SAMSN1: variants seen among roughly 807,000 people sequenced by gnomAD.
The protein encoded by SAMSN1 is SAM domain-containing protein SAMSN-1.
SAMSN1 carries 31 observed loss-of-function variants against 42.0 expected under a neutral mutation model. The observed-to-expected ratio is 0.74, with a 90% CI of 0.55 to 1.00. SAMSN1 has a LOEUF of 1.00. Among genes scored for constraint, SAMSN1 ranks in the 50% least tolerant of loss-of-function variants. The pLI, the probability that SAMSN1 is intolerant of heterozygous loss-of-function variation, is 0.00. For missense variants in SAMSN1, 464 were observed against 439.4 expected, an observed-to-expected ratio of 1.06 and a Z score of -0.50; for synonymous variants, 178 against 151.9, an observed-to-expected ratio of 1.17 and a Z score of -1.26.
At chr21:14,616,927 C>A (rs936235974) in intron 2 of SAMSN1, among the ~76,000 whole-genome samples, 10 of 152,138 alleles carry the variant, frequency 6.6e-5, no homozygotes, top group African/African-American at 2.2e-4. Flanking sequence ...TCCAGGATAA[C>A]CTTTCCCCAA....
At chr21:14,591,684 G>T (rs1433304142) in intron 7 of SAMSN1, among the ~76,000 whole-genome samples, 1 of 152,130 alleles carries the variant, frequency 6.6e-6, no homozygotes, top group Non-Finnish European at 1.5e-5. Flanking sequence ...TTGGCTAGAG[G>T]ATTAGCAGGT....
chr21:14,649,631 G>A (rs1395901467), intron 1 of SAMSN1, among the ~76,000 whole-genome samples: 1 of 151,944 alleles, frequency 6.6e-6, no homozygotes, highest in Non-Finnish European at 1.5e-5. Flanking sequence ...TTAGCCAGGT[G>A]TGATGGCACA....
At chr21:14,532,029 C>CT (rs1484724207) in intron 1 of SAMSN1, among the ~76,000 whole-genome samples, 1 of 151,978 alleles carries the variant, frequency 6.6e-6, no homozygotes, top group Non-Finnish European at 1.5e-5. Context: ...ATGAGTGTGT[C>CT]TGATGCATGA....
At chr21:14,577,272 ATATATATATATATTTTTT>A (rs1981528484) in intron 2 of SAMSN1, among the ~76,000 whole-genome samples, 1 of 49,602 alleles carries the variant, frequency 2.0e-5, no homozygotes, top group African/African-American at 1.2e-4. Context: ...ATATATATAT[ATATATATATATATTTTTT>A]TTTTAGAAGA....
intron 1 of SAMSN1, among the ~76,000 whole-genome samples, chr21:14,650,563 A>G (rs1221398615): frequency 6.6e-6 from 1 of 152,096 alleles, no homozygotes; most frequent in Non-Finnish European, 1.5e-5. Context: ...ATAGCAATAA[A>G]TGACTACATC....
At chr21:14,581,833 T>A (rs978035387) in intron 2 of SAMSN1, among the ~76,000 whole-genome samples, 1 of 152,178 alleles carries the variant, frequency 6.6e-6, no homozygotes, top group African/African-American at 2.4e-5. Context: ...ATAATTGCAA[T>A]AATTTAGACA....
At chr21:14,657,043 C>T (rs1983927979) in intron 1 of SAMSN1, among the ~76,000 whole-genome samples, 1 of 151,572 alleles carries the variant, frequency 6.6e-6, no homozygotes, top group Non-Finnish European at 1.5e-5. Flanking sequence ...TGCATAAGTT[C>T]CTGGCAAAAG....
At chr21:14,617,782 A>T (rs973353594) in intron 2 of SAMSN1, among the ~76,000 whole-genome samples, 2 of 152,234 alleles carry the variant, frequency 1.3e-5, no homozygotes, top group African/African-American at 4.8e-5. Flanking sequence ...TTATATCAGG[A>T]TTCCTCTGCC....
chr21:14,649,383 C>T (rs547891887), intron 1 of SAMSN1, among the ~76,000 whole-genome samples: 131 of 151,852 alleles, frequency 8.6e-4, no homozygotes, highest in Admixed American at 2.4e-3. Flanking sequence ...TGTAACTAAC[C>T]TGCACATTGT....
chr21:14,506,780 T>C (rs1328665116), intron 5 of SAMSN1, among the ~76,000 whole-genome samples: 1 of 152,188 alleles, frequency 6.6e-6, no homozygotes, highest in African/African-American at 2.4e-5. Context: ...TGAACATAGA[T>C]GCTAAAATTC....
chr21:14,525,702 T>C (rs1043155113), intron 1 of SAMSN1, among the ~76,000 whole-genome samples: 1 of 152,210 alleles, frequency 6.6e-6, no homozygotes, highest in Non-Finnish European at 1.5e-5. Context: ...TGGCCATTCT[T>C]GAATCATTAG....
At chr21:14,515,920 C>T (rs1285977760) in intron 3 of SAMSN1, among the ~76,000 whole-genome samples, 2 of 152,114 alleles carry the variant, frequency 1.3e-5, no homozygotes, top group African/African-American at 4.8e-5. Context: ...ATCAGGGAAA[C>T]GTAAAGTACA....
intron 5 of SAMSN1, among the ~76,000 whole-genome samples, chr21:14,502,002 C>A (rs1987180307): frequency 1.3e-5 from 2 of 152,102 alleles, no homozygotes; most frequent in South Asian, 2.1e-4. Flanking sequence ...AGTTATAGTT[C>A]CTCCTTTGAG....
At chr21:14,606,086 C>T (rs992273182) in intron 5 of SAMSN1, among the ~76,000 whole-genome samples, 7 of 152,024 alleles carry the variant, frequency 4.6e-5, no homozygotes, top group African/African-American at 7.2e-5. Flanking sequence ...ATGATCCGCC[C>T]GCCTCGGCTG....
intron 7 of SAMSN1, among the ~76,000 whole-genome samples, chr21:14,490,837 C>A (rs923724073): frequency 6.6e-6 from 1 of 151,910 alleles, no homozygotes; most frequent in Non-Finnish European, 1.5e-5. Context: ...TGGAAATAAA[C>A]CTTTTCGCTT....
chr21:14,652,211 A>G (rs1983848135), intron 1 of SAMSN1, among the ~76,000 whole-genome samples: 1 of 152,058 alleles, frequency 6.6e-6, no homozygotes. Context: ...ATATGGGACC[A>G]CAAAAGACAC....
At position 14,612,748 on chromosome 21, in the gene SAMSN1, A is replaced by G; in HGVS notation, c.235+128T>C. On this transcript the variant is annotated intron_variant, in intron 4 of 15. Transcript: ENST00000647101. ...CCACTTTTAAAAAATGTTCTTCTAT[A>G]TAATTCAAAGACAACTCAATTTGAC... 4.5e-6 allele frequency: 3 copies of G among 661,870 alleles called. No individual in the cohort carries two copies. The South Asian group carries it at 4.8e-5, about 11-fold the overall frequency. The allele number at this position is 661,870 out of a possible 1,614,324, so 41.0% of individuals were successfully genotyped here.
intron 7 of SAMSN1, among the ~76,000 whole-genome samples, chr21:14,494,927 C>T (rs1219934849): frequency 6.6e-6 from 1 of 152,146 alleles, no homozygotes; most frequent in East Asian, 1.9e-4. Context: ...AATTTTAGCT[C>T]TTATCCTCAA....
intron 1 of SAMSN1, among the ~76,000 whole-genome samples, chr21:14,544,641 A>C (rs1600919645): frequency 6.6e-6 from 1 of 152,192 alleles, no homozygotes; most frequent in South Asian, 2.1e-4. Flanking sequence ...TTTTGTTCAA[A>C]GATGTATATT....
Sources: gnomAD v4.1 joint callset for allele counts (sites outside exome capture counted in the v4.1 genomes callset) on GRCh38, gnomAD v4.1.1 for gene constraint, MANE v1.5 for transcripts, NCBI Gene and HGNC (gene_info 2026-07-23, HGNC 2026-07-21) for gene names.